Variants in MALRD1 observed in about 807,000 individuals in gnomAD.
MALRD1 encodes MAM and LDL-receptor class A domain-containing protein 1.
MALRD1 carries 247 observed loss-of-function variants against 242.1 expected under a neutral mutation model. The observed-to-expected ratio is 1.02, with a 90% CI of 0.92 to 1.13. The LOEUF (loss-of-function observed/expected upper bound fraction) is 1.13, where lower values mean the gene tolerates loss of function less well. MALRD1 is among the 50% of genes most tolerant of loss of function. The pLI is 0.00. For synonymous variants in MALRD1, 995 were observed against 866.6 expected (o/e 1.15, Z -2.60); for missense variants, 2,989 against 2,533.1 (o/e 1.18, Z -3.86).
intron 29 of MALRD1, among the ~76,000 whole-genome samples, chr10:19,459,355 A>C (rs898400514): frequency 3.3e-5 from 5 of 152,100 alleles, no homozygotes; most frequent in African/African-American, 1.2e-4. Flanking sequence ...TGTGACATCA[A>C]CCCTCTACAT....
intron 14 of MALRD1, among the ~76,000 whole-genome samples, chr10:19,183,628 C>T (rs532716571): frequency 1.1e-4 from 16 of 152,172 alleles, no homozygotes; most frequent in South Asian, 6.2e-4. Context: ...CTACTTCAAA[C>T]GGGTTATTAA....
At chr10:19,228,524 G>A (rs1242104477) in intron 18 of MALRD1, among the ~76,000 whole-genome samples, 2 of 152,184 alleles carry the variant, frequency 1.3e-5, no homozygotes, top group African/African-American at 2.4e-5. Context: ...TTAAAAGGGT[G>A]AATTTTACTG....
chr10:19,136,090 TTTC>T (rs1333321832), intron 9 of MALRD1, among the ~76,000 whole-genome samples: 1 of 152,242 alleles, frequency 6.6e-6, no homozygotes, highest in Non-Finnish European at 1.5e-5. Flanking sequence ...GCCTGATATT[TTTC>T]TTCATGTATT....
intron 18 of MALRD1, among the ~76,000 whole-genome samples, chr10:19,255,666 C>T (rs913938771): frequency 6.6e-6 from 1 of 151,950 alleles, no homozygotes. Context: ...CTCAAGAATG[C>T]TAACATTTAG....
chr10:19,233,903 A>G (rs963078024), intron 18 of MALRD1, among the ~76,000 whole-genome samples: 4 of 151,594 alleles, frequency 2.6e-5, no homozygotes, highest in East Asian at 1.9e-4. Context: ...ATTATATTCA[A>G]TTGTTTTGAG....
chr10:19,088,573 A>T (rs12412771), intron 4 of MALRD1, among the ~76,000 whole-genome samples: 13,158 of 43,342 alleles, frequency 0.3, 944 homozygotes, highest in East Asian at 0.39. Flanking sequence ...GTTTTTTTTT[A>T]TTTATTTATT....
At chr10:19,326,786 C>T (rs757458042) in intron 22 of MALRD1, among the ~76,000 whole-genome samples, 152 of 151,592 alleles carry the variant, frequency 1.0e-3, no homozygotes, top group Admixed American at 6.6e-4. Context: ...TTTCACAAAT[C>T]TTTTATCTGA....
At chr10:19,155,655 C>T (rs1834115768) in intron 12 of MALRD1, among the ~76,000 whole-genome samples, 1 of 152,142 alleles carries the variant, frequency 6.6e-6, no homozygotes, top group South Asian at 2.1e-4. Flanking sequence ...ACTAGTTAGA[C>T]TTGGTTCAAG....
chr10:19,453,156 C>G (rs571156943), intron 29 of MALRD1, among the ~76,000 whole-genome samples: 13 of 152,270 alleles, frequency 8.5e-5, no homozygotes, highest in African/African-American at 2.9e-4. Flanking sequence ...AGATCATAAA[C>G]TACCAGGTCA....
Position 19,678,470 on chromosome 10 carries a change from C to T in MALRD1, c.6138-13812C>T, listed in dbSNP as rs185546866. On this transcript the variant is annotated intron_variant, in intron 36 of 39. Coordinates refer to ENST00000454679, the MANE Select transcript of MALRD1 (RefSeq NM_001142308.3). The stretch of plus-strand genomic sequence containing the variant: ...TCCATTCATGATTTGGCTCTCTGCT[C>T]GTATATTGTTGTTGTATAGGAATGC... Among the ~76,000 whole-genome samples, 8 of 151,890 alleles carry T rather than the reference C, an allele frequency of 5.3e-5. No individual in the cohort carries two copies. The East Asian group carries it at 5.8e-4, about 11-fold the overall frequency.
rs183149491 is a variant in MALRD1, at chr10:19,519,950, G to A, written c.5321-11244G>A. The stretch of plus-strand genomic sequence containing the variant: ...TTAAAGGAATAACATATAACTAAAG[G>A]TAGATCATTGTTATGTCCACCTAAA... On this transcript the variant is annotated intron_variant, in intron 31 of 39. Transcript: ENST00000454679. 2.1e-3 allele frequency among the ~76,000 whole-genome samples: 319 copies of A among 152,212 alleles called. 1 individual carries two copies. Among genetic ancestry groups the A allele is most frequent in the Middle Eastern group, 6.8e-3 (2 of 294 alleles).
Position 19,203,736 on chromosome 10 carries a change from T to C in MALRD1, c.1960T>C (p.Cys654Arg), listed in dbSNP as rs376527590. The part of the protein sequence containing the change: ...RTSTQSKFSK[C>R]DFEANSCDWF... ...ACATTTTTGTTCTTCAGTTTCCAAG[T>C]GTGACTTTGAAGCAAACAGCTGTGA... is the stretch of plus-strand genomic sequence containing the variant. Residue 654 changes from cysteine to arginine, a missense_variant, in exon 15 of 40, where the codon TGT (cysteine) becomes CGT (arginine). Transcript: ENST00000454679. The C allele has an allele frequency of 5.2e-6, 8 of 1,534,558 alleles. No homozygotes were observed. Among genetic ancestry groups the C allele is most frequent in the South Asian group, 1.2e-5 (1 of 83,212 alleles).
At chr10:19,062,219 A>G (rs528857499) in intron 1 of MALRD1, among the ~76,000 whole-genome samples, 2 of 152,218 alleles carry the variant, frequency 1.3e-5, no homozygotes, top group Non-Finnish European at 2.9e-5. Context: ...CCACAATGAG[A>G]TACCACTTCA....
chr10:19,362,224 C>G (rs376358200), intron 26 of MALRD1, among the ~76,000 whole-genome samples: 4 of 152,204 alleles, frequency 2.6e-5, no homozygotes, highest in African/African-American at 9.6e-5. Context: ...TCCTATAATA[C>G]TTGAATTTCT....
intron 36 of MALRD1, among the ~76,000 whole-genome samples, chr10:19,660,263 ATTTTAAG>A (rs1841365842): frequency 6.6e-6 from 1 of 152,104 alleles, no homozygotes. Context: ...GACAATATTG[ATTTTAAG>A]TTTTCTTCTT....
chr10:19,704,666 C>A (rs757416380), intron 38 of MALRD1, among the ~76,000 whole-genome samples: 3 of 152,154 alleles, frequency 2.0e-5, no homozygotes, highest in Non-Finnish European at 4.4e-5. Context: ...CTTCCACAAA[C>A]GTTTATTAAG....
intron 14 of MALRD1, among the ~76,000 whole-genome samples, chr10:19,184,642 G>A (rs770601055): frequency 6.6e-6 from 1 of 152,124 alleles, no homozygotes. Flanking sequence ...TCTGCTTCCC[G>A]GATTCAAGTG....
rs186524420 is a variant in MALRD1 at position 19,624,551 on chromosome 10, G to A, written c.6137+8628G>A. Among the ~76,000 whole-genome samples the A allele has an allele frequency of 4.6e-5, 7 of 152,142 alleles. No homozygotes were observed. In the East Asian group the frequency reaches 1.2e-3, roughly 25 times the overall value. On this transcript the variant is annotated intron_variant, in intron 36 of 39. Coordinates refer to ENST00000454679, the MANE Select transcript of MALRD1 (RefSeq NM_001142308.3). ...AAACCTGTGGAGCAGATAATAGTAT[G>A]TGTAATTTAGCAGTTAAGATGAGGA...
intron 24 of MALRD1, among the ~76,000 whole-genome samples, chr10:19,335,879 C>T (rs574754321): frequency 1.2e-4 from 19 of 152,024 alleles, no homozygotes; most frequent in African/African-American, 3.1e-4. Flanking sequence ...TAGATATACA[C>T]GTGCCATGGT....
Sources: allele counts gnomAD v4.1 joint callset (sites outside exome capture counted in the v4.1 genomes callset), GRCh38; gene constraint gnomAD v4.1.1; transcripts MANE v1.5; gene names NCBI Gene and HGNC (gene_info 2026-07-23, HGNC 2026-07-21).